PPP3CA: variants seen among roughly 807,000 people sequenced by gnomAD.
PPP3CA encodes the protein protein phosphatase 3 catalytic subunit alpha, also known as CAM-PRP catalytic subunit.
PPP3CA carries 14 observed loss-of-function variants against 66.5 expected under a neutral mutation model. That is an observed-to-expected ratio of 0.21 (90% CI 0.14 to 0.33). PPP3CA has a LOEUF of 0.33. Ranked by LOEUF, PPP3CA falls within the 10% of genes least tolerant of loss-of-function variation. The pLI is 1.00. For missense variants in PPP3CA, 317 were observed against 639.5 expected (o/e 0.50, Z 5.44); for synonymous variants, 232 against 226.2 (o/e 1.03, Z -0.23).
chr4:101,234,011 C>T (rs1385140482), intron 1 of PPP3CA, among the ~76,000 whole-genome samples: 1 of 151,742 alleles, frequency 6.6e-6, no homozygotes, highest in Non-Finnish European at 1.5e-5. Flanking sequence ...GTTTTCTGTT[C>T]CCACTTCAGT....
At chr4:101,329,079 C>T (rs532203121) in intron 1 of PPP3CA, among the ~76,000 whole-genome samples, 1 of 152,216 alleles carries the variant, frequency 6.6e-6, no homozygotes, top group South Asian at 2.1e-4. Flanking sequence ...TCATGCAAGG[C>T]ATATCAAAAG....
intron 1 of PPP3CA, among the ~76,000 whole-genome samples, chr4:101,229,471 G>C (rs181288793): frequency 1.3e-5 from 2 of 151,698 alleles, no homozygotes; most frequent in Non-Finnish European, 3.0e-5. Context: ...TCTAGCAAAA[G>C]TGTATAATTT....
chr4:101,328,914 ATCTC>A (rs1223829385), intron 1 of PPP3CA, among the ~76,000 whole-genome samples: 1 of 152,042 alleles, frequency 6.6e-6, no homozygotes, highest in African/African-American at 2.4e-5. Context: ...TCATTTACCC[ATCTC>A]TCTCTGTCTC....
chr4:101,250,299 A>C (rs1726632890), intron 1 of PPP3CA: 1 of 455,060 alleles, frequency 2.2e-6, no homozygotes, highest in Non-Finnish European at 4.4e-6. Context: ...ATACTAATCC[A>C]AGCTCTACTT....
In PPP3CA at chr4:101,099,627, G is replaced by T; in HGVS notation, c.480C>A (p.Phe160Leu). 1 of 1,578,562 alleles carries T rather than the reference G, an allele frequency of 6.3e-7. No homozygotes were observed. Among genetic ancestry groups the T allele is most frequent in the South Asian group, 1.2e-5 (1 of 86,236 alleles). The change falls in exon 4 of 14, where the codon TTC becomes TTA. Residue 160 changes from phenylalanine (F) to leucine (L), a missense_variant. By Grantham distance (22) the Phe-to-Leu change is conservative. Around this residue, in one of 3 missense-constraint regions of PPP3CA, gnomAD observed 201 missense variants for 501.4 expected, o/e 0.40. Coordinates refer to ENST00000394854, the MANE Select transcript of PPP3CA (RefSeq NM_000944.5). Reference protein sequence around the residue: ...NHECRHLTEYFTFKQECKIKY... With the variant: ...NHECRHLTEYLTFKQECKIKY... ...TATACTTACATTCTTGTTTAAATGT[G>T]AAATACTCTGTTAGATGTCTACATT...
intron 1 of PPP3CA, among the ~76,000 whole-genome samples, chr4:101,228,825 CAATAG>C (rs2110221192): frequency 6.6e-6 from 1 of 151,662 alleles, no homozygotes; most frequent in East Asian, 2.0e-4. Context: ...AGAGCCATTT[CAATAG>C]AAAAGATCTG....
intron 2 of PPP3CA, among the ~76,000 whole-genome samples, chr4:101,118,202 G>T (rs959123970): frequency 6.6e-6 from 1 of 151,942 alleles, no homozygotes; most frequent in Non-Finnish European, 1.5e-5. Context: ...TCCTGGATAT[G>T]TTCTTTCACC....
intron 1 of PPP3CA, among the ~76,000 whole-genome samples, chr4:101,204,771 AC>A (rs2110199240): frequency 6.6e-6 from 1 of 152,016 alleles, no homozygotes; most frequent in African/African-American, 2.4e-5. Flanking sequence ...AATATATGCT[AC>A]TGAATGTTTA....
intron 10 of PPP3CA, among the ~76,000 whole-genome samples, chr4:101,047,705 C>T (rs926179707): frequency 2.6e-5 from 4 of 152,166 alleles, no homozygotes; most frequent in East Asian, 1.9e-4. Context: ...ATCCTACCGC[C>T]TCAGTCTCCC....
At chr4:101,339,055 C>A (rs917780969) in intron 1 of PPP3CA, among the ~76,000 whole-genome samples, 46 of 152,160 alleles carry the variant, frequency 3.0e-4, no homozygotes, top group African/African-American at 1.1e-3. Flanking sequence ...TTAGTGCCAC[C>A]TTTTTCTTAA....
chr4:101,276,987 G>A (rs1578620995), intron 1 of PPP3CA, among the ~76,000 whole-genome samples: 4 of 20,968 alleles, frequency 1.9e-4, no homozygotes, highest in African/African-American at 4.9e-4. Flanking sequence ...GCTAGGACCT[G>A]ATATTTTCAA....
intron 1 of PPP3CA, among the ~76,000 whole-genome samples, chr4:101,329,117 T>C (rs1047214447): frequency 6.6e-6 from 1 of 152,124 alleles, no homozygotes; most frequent in South Asian, 2.1e-4. Flanking sequence ...CTAGGCCTCT[T>C]GCGCCAAACA....
chr4:101,237,992 A>G (rs773441052), intron 1 of PPP3CA, among the ~76,000 whole-genome samples: 14 of 151,510 alleles, frequency 9.2e-5, no homozygotes, highest in Non-Finnish European at 1.5e-4. Context: ...TCAAAGTTCA[A>G]CTCCCTCTTT....
chr4:101,097,007 G>A (rs1276748536), intron 5 of PPP3CA, among the ~76,000 whole-genome samples: 1 of 152,126 alleles, frequency 6.6e-6, no homozygotes, highest in Non-Finnish European at 1.5e-5. Context: ...GTCTTTGTAT[G>A]AATGCCCCTA....
chr4:101,221,131 T>G (rs1180452563), intron 1 of PPP3CA, among the ~76,000 whole-genome samples: 1 of 151,680 alleles, frequency 6.6e-6, no homozygotes, highest in East Asian at 1.9e-4. Flanking sequence ...GATTCTAAGT[T>G]TCACATATAC....
At chr4:101,257,964 T>C (rs1353325651) in intron 1 of PPP3CA, among the ~76,000 whole-genome samples, 2 of 152,046 alleles carry the variant, frequency 1.3e-5, no homozygotes, top group Non-Finnish European at 2.9e-5. Context: ...GTCCTACTTG[T>C]CCAGAGGCAG....
intron 6 of PPP3CA, among the ~76,000 whole-genome samples, chr4:101,089,684 TC>T (rs1729828556): frequency 6.6e-6 from 1 of 152,190 alleles, no homozygotes; most frequent in Non-Finnish European, 1.5e-5. Flanking sequence ...TTTGTCATGA[TC>T]CTCACTAATT....
chr4:101,316,890 A>G (rs1054158678), intron 1 of PPP3CA, among the ~76,000 whole-genome samples: 1 of 152,216 alleles, frequency 6.6e-6, no homozygotes, highest in Non-Finnish European at 1.5e-5. Context: ...CTTATAGTAA[A>G]GCATTTGAGA....
At chr4:101,144,173 G>A (rs1200770821) in intron 2 of PPP3CA, among the ~76,000 whole-genome samples, 1 of 152,146 alleles carries the variant, frequency 6.6e-6, no homozygotes, top group Non-Finnish European at 1.5e-5. Context: ...CTTCAGCCTT[G>A]CTCCCTCCAG....
Sources: gnomAD v4.1 joint callset for allele counts (sites outside exome capture counted in the v4.1 genomes callset) on GRCh38, gnomAD v4.1.1 for gene constraint, gnomAD v4.1.1 regional missense constraint, MANE v1.5 for transcripts, NCBI Gene and HGNC (gene_info 2026-07-23, HGNC 2026-07-21) for gene names.